Variants in SLC35F2 observed in about 807,000 individuals in gnomAD.
SLC35F2 encodes solute carrier family 35 member F2.
SLC35F2 carries 25 observed loss-of-function variants against 38.1 expected under a neutral mutation model. The observed-to-expected ratio is 0.66, with a 90% CI of 0.48 to 0.92. The LOEUF (loss-of-function observed/expected upper bound fraction) is 0.92. SLC35F2 is among the 40% of genes least tolerant of loss of function. The pLI is 0.00. For missense variants in SLC35F2, 409 were observed against 452.9 expected, an observed-to-expected ratio of 0.90 and a Z score of 0.88; for synonymous variants, 173 against 181.7, an observed-to-expected ratio of 0.95 and a Z score of 0.38.
intron 1 of SLC35F2, among the ~76,000 whole-genome samples, chr11:107,851,473 A>G (rs1420853149): frequency 1.3e-5 from 1 of 75,384 alleles, no homozygotes; most frequent in Non-Finnish European, 2.5e-5. Flanking sequence ...CAAAAAAAAT[A>G]AAAATAAAAA....
intron 7 of SLC35F2, among the ~76,000 whole-genome samples, chr11:107,801,585 G>A (rs1859311641): frequency 6.6e-6 from 1 of 150,838 alleles, no homozygotes; most frequent in African/African-American, 2.4e-5. Flanking sequence ...GCATTTAAAA[G>A]GGGCTTAAAA....
chr11:107,839,863 G>A (rs1281201210), intron 1 of SLC35F2, among the ~76,000 whole-genome samples: 1 of 152,154 alleles, frequency 6.6e-6, no homozygotes, highest in Non-Finnish European at 1.5e-5. Flanking sequence ...ATGTTAGTCA[G>A]GCTGGTCTCA....
chr11:107,836,661 G>A (rs1859936085), intron 1 of SLC35F2, among the ~76,000 whole-genome samples: 1 of 152,192 alleles, frequency 6.6e-6, no homozygotes, highest in Non-Finnish European at 1.5e-5. Context: ...GAAAAGGCCA[G>A]GAATTGATTC....
intron 1 of SLC35F2, among the ~76,000 whole-genome samples, chr11:107,851,315 T>C (rs1343604620): frequency 6.7e-6 from 1 of 149,074 alleles, no homozygotes; most frequent in Non-Finnish European, 1.5e-5. Context: ...ATACAAAAAT[T>C]AGCCAGGCAT....
At chr11:107,792,877 C>T (rs1407512266) in intron 7 of SLC35F2, 77 bp from the exon 8 acceptor site, 31 of 1,434,538 alleles carry the variant, frequency 2.2e-5, no homozygotes, top group Non-Finnish European at 2.4e-5. Flanking sequence ...AACTGTGCTT[C>T]GAGGATTACC....
chr11:107,802,342 T>C (rs1859322846), intron 7 of SLC35F2, among the ~76,000 whole-genome samples: 1 of 152,136 alleles, frequency 6.6e-6, no homozygotes, highest in African/African-American at 2.4e-5. Flanking sequence ...TTTTTCAAAC[T>C]CCATATTTGC....
chr11:107,843,838 C>A (rs1860050459), intron 1 of SLC35F2, among the ~76,000 whole-genome samples: 1 of 103,684 alleles, frequency 9.6e-6, no homozygotes, highest in Non-Finnish European at 1.7e-5. Flanking sequence ...AAGTGAGACT[C>A]TGTATCTTAA....
intron 1 of SLC35F2, chr11:107,823,187 G>A (rs4641426): frequency 2.6e-5 from 26 of 985,218 alleles, no homozygotes; most frequent in Non-Finnish European, 2.9e-5. Context: ...CCAAGTATCA[G>A]CCTATTTTAA....
rs144009386 is a variant in SLC35F2 at position 107,824,167 on chromosome 11, AATAG to A, written c.111-8206_111-8203del. On this transcript the variant is annotated intron_variant, in intron 1 of 7. Coordinates refer to ENST00000525815, the MANE Select transcript of SLC35F2 (RefSeq NM_017515.5). ...TAGCTAAAAAAGTCAAATTTTAAAA[AATAG>A]ATAGTGTATTGGTGTATATGATCAC... Among the ~76,000 whole-genome samples the A allele has an allele frequency of 3.0e-3, 454 of 152,290 alleles. 4 individuals are homozygous for A. Among genetic ancestry groups the A allele is most frequent in the African/African-American group, 0.01 (428 of 41,568 alleles).
intron 1 of SLC35F2, among the ~76,000 whole-genome samples, chr11:107,845,046 A>G (rs545186596): frequency 6.6e-6 from 1 of 151,656 alleles, no homozygotes; most frequent in South Asian, 2.1e-4. Context: ...GTGGTTGCTC[A>G]GTGCACAAAG....
chr11:107,807,726 A>G (rs1859421184), intron 3 of SLC35F2, among the ~76,000 whole-genome samples: 1 of 151,976 alleles, frequency 6.6e-6, no homozygotes, highest in Non-Finnish European at 1.5e-5. Flanking sequence ...GCCATCTGCC[A>G]CCATGCCCAG....
At chr11:107,818,910 G>T (rs1220819758) in intron 1 of SLC35F2, among the ~76,000 whole-genome samples, 1 of 152,178 alleles carries the variant, frequency 6.6e-6, no homozygotes, top group East Asian at 1.9e-4. Context: ...GGAAGCTGAG[G>T]AAGGAGGATT....
chr11:107,858,118 T>C (rs1441944367), intron 1 of SLC35F2, among the ~76,000 whole-genome samples: 2 of 152,206 alleles, frequency 1.3e-5, no homozygotes, highest in Admixed American at 6.5e-5. Context: ...GGGGTGGCTA[T>C]ATCACCTCGC....
intron 3 of SLC35F2, chr11:107,810,002 A>G (rs927715831): frequency 1.0e-6 from 1 of 985,394 alleles, no homozygotes; most frequent in Non-Finnish European, 1.2e-6. Context: ...GAACTATCCC[A>G]TGACTGTTGG....
chr11:107,849,477 A>C (rs1196713929), intron 1 of SLC35F2, among the ~76,000 whole-genome samples: 1 of 152,030 alleles, frequency 6.6e-6, no homozygotes, highest in African/African-American at 2.4e-5. Context: ...CGTCTCTACT[A>C]AAAATGCAAA....
chr11:107,816,015 T>TACACACACACACACACACACACACACAC (rs370565333), intron 1 of SLC35F2, 50 bp from the exon 2 acceptor site: 1 of 1,143,268 alleles, frequency 8.7e-7, no homozygotes, highest in African/African-American at 1.8e-5. Flanking sequence ...AGTTATACCT[T>TACACACACACACACACACACACACACAC]ACACACACAC....
In SLC35F2 at chr11:107,836,511, C is replaced by T. The variant is rs192472268; in HGVS notation, c.111-20546G>A. Among the ~76,000 whole-genome samples the T allele has an allele frequency of 4.6e-5, 7 of 152,322 alleles. No homozygotes were observed. The South Asian group carries it at 1.2e-3, about 27-fold the overall frequency. ...TGTGGATTAACCAGGTAGCCCCAAT[C>T]TAATCACATGAGACTTTAAAAGCAA... On this transcript the variant is annotated intron_variant, in intron 1 of 7. Transcript: ENST00000525815.
intron 1 of SLC35F2, among the ~76,000 whole-genome samples, chr11:107,818,123 A>AGAAAGAAAGAAG (rs1859613319): frequency 6.7e-6 from 1 of 150,364 alleles, no homozygotes; most frequent in Admixed American, 6.6e-5. Flanking sequence ...AAAGAAAGAA[A>AGAAAGAAAGAAG]GAAAGAAAGA....
chr11:107,824,895 C>T (rs1222260137), intron 1 of SLC35F2, among the ~76,000 whole-genome samples: 1 of 152,094 alleles, frequency 6.6e-6, no homozygotes, highest in Non-Finnish European at 1.5e-5. Flanking sequence ...AAACATGGCT[C>T]TATATATGCA....
Sources: gnomAD v4.1 joint callset for allele counts (sites outside exome capture counted in the v4.1 genomes callset) on GRCh38, gnomAD v4.1.1 for gene constraint, MANE v1.5 for transcripts, NCBI Gene and HGNC (gene_info 2026-07-23, HGNC 2026-07-21) for gene names.